Variants in DNAJC11 observed in about 807,000 individuals in gnomAD.
DNAJC11 encodes the protein dnaJ homolog subfamily C member 11.
DNAJC11 carries 15 observed loss-of-function variants against 78.6 expected under a neutral mutation model. The observed-to-expected ratio is 0.19, with a 90% CI of 0.13 to 0.29. The LOEUF (loss-of-function observed/expected upper bound fraction) is 0.29. Ranked by LOEUF, DNAJC11 falls within the 10% of genes least tolerant of loss-of-function variation. The pLI is 1.00. For synonymous variants in DNAJC11, 292 were observed against 272.1 expected (o/e 1.07, Z -0.72); for missense variants, 547 against 709.6 (o/e 0.77, Z 2.60).
At chr1:6,641,483 TAAG>T (rs1391080204) in intron 10 of DNAJC11, among the ~76,000 whole-genome samples, 2 of 145,448 alleles carry the variant, frequency 1.4e-5, no homozygotes, top group Non-Finnish European at 3.0e-5. Context: ...ATAGTAAGCA[TAAG>T]AAGACTAAAA....
intron 11 of DNAJC11, among the ~76,000 whole-genome samples, chr1:6,639,293 C>T (rs868637805): frequency 4.8e-4 from 72 of 149,164 alleles, no homozygotes; most frequent in African/African-American, 1.7e-3. Context: ...AGGAAAACTT[C>T]TTCTTTCTTG....
intron 4 of DNAJC11, among the ~76,000 whole-genome samples, chr1:6,663,392 G>A (rs1049705332): frequency 6.6e-6 from 1 of 152,142 alleles, no homozygotes; most frequent in African/African-American, 2.4e-5. Context: ...AGCTGCCTGG[G>A]ATCAAGTTGC....
At chr1:6,663,646 G>A (rs952221299) in intron 4 of DNAJC11, among the ~76,000 whole-genome samples, 3 of 152,090 alleles carry the variant, frequency 2.0e-5, no homozygotes, top group Non-Finnish European at 4.4e-5. Flanking sequence ...CTGCTCTCAG[G>A]TATGAACCCA....
chr1:6,642,401 G>A (rs148993016), intron 10 of DNAJC11, among the ~76,000 whole-genome samples: 6 of 152,300 alleles, frequency 3.9e-5, no homozygotes, highest in Non-Finnish European at 5.9e-5. Context: ...GAGAAATGGC[G>A]AGACTGGGGA....
intron 14 of DNAJC11, 98 bp downstream of exon 14, chr1:6,637,100 T>A (rs1350325736): frequency 6.6e-7 from 1 of 1,508,408 alleles, no homozygotes; most frequent in Non-Finnish European, 9.0e-7. Flanking sequence ...TCCGCCCACC[T>A]TGGCCTTCCA....
chr1:6,648,950 C>G (rs1054131746), intron 7 of DNAJC11, among the ~76,000 whole-genome samples: 9 of 152,082 alleles, frequency 5.9e-5, no homozygotes, highest in Non-Finnish European at 1.2e-4. Context: ...GAGCAGCACC[C>G]AGGTGATGCC....
chr1:6,667,897 T>A, intron 3 of DNAJC11, 87 bp from the exon 4 acceptor site: 1 of 1,288,586 alleles, frequency 7.8e-7, no homozygotes, highest in Non-Finnish European at 1.1e-6. Context: ...TTGATTTTGG[T>A]GTGTGCATGC....
At chr1:6,654,265 A>C in intron 4 of DNAJC11, 1 of 424,260 alleles carries the variant, frequency 2.4e-6, no homozygotes. Flanking sequence ...ACATCATTTG[A>C]CCAGGAGAGC....
chr1:6,638,457 AAC>A, intron 11 of DNAJC11, 93 bp from the exon 12 acceptor site: 2 of 1,224,264 alleles, frequency 1.6e-6, no homozygotes, highest in Non-Finnish European at 2.3e-6. Context: ...GAGCCCAGCA[AAC>A]AGTCTGTGAT....
chr1:6,688,310 C>A (rs1036520705), intron 1 of DNAJC11, among the ~76,000 whole-genome samples: 5 of 152,168 alleles, frequency 3.3e-5, no homozygotes, highest in African/African-American at 1.2e-4. Context: ...AAATTAACAA[C>A]AAATAAATTC....
At position 6,634,987 on chromosome 1, in the gene DNAJC11, C is replaced by T. The variant is rs1454829540; in HGVS notation, c.*688G>A. 8 of 715,314 alleles carry T rather than the reference C, an allele frequency of 1.1e-5. No individual in the cohort carries two copies. Among genetic ancestry groups the T allele is most frequent in the South Asian group, 2.1e-5 (1 of 46,780 alleles). 44.3% of individuals were successfully genotyped at this position (715,314 alleles called of 1,614,324 possible). ...CGTTTTCCCACCGGGATACGGGAAG[C>T]CACCTGTGTCAGGGCTAGGCCCTGG... On this transcript the variant is annotated 3_prime_UTR_variant, in exon 16 of 16. Coordinates refer to ENST00000377577, the MANE Select transcript of DNAJC11 (RefSeq NM_018198.4).
chr1:6,683,109 T>C (rs547749270), intron 1 of DNAJC11, among the ~76,000 whole-genome samples: 6 of 152,312 alleles, frequency 3.9e-5, no homozygotes, highest in South Asian at 2.1e-4. Context: ...CCTCTGAGAA[T>C]TGGTGAGACC....
intron 1 of DNAJC11, among the ~76,000 whole-genome samples, chr1:6,688,606 G>A (rs1642695236): frequency 6.6e-6 from 1 of 152,156 alleles, no homozygotes; most frequent in South Asian, 2.1e-4. Context: ...AAACAGGAAT[G>A]CTAACATTAA....
intron 3 of DNAJC11, among the ~76,000 whole-genome samples, chr1:6,671,236 A>G (rs1029613912): frequency 3.9e-5 from 6 of 152,168 alleles, no homozygotes; most frequent in Non-Finnish European, 2.9e-5. Context: ...TATTTGAGAC[A>G]GAGTCTTGCT....
At chr1:6,677,069 G>A (rs1220478491) in intron 3 of DNAJC11, among the ~76,000 whole-genome samples, 4 of 149,920 alleles carry the variant, frequency 2.7e-5, no homozygotes, top group South Asian at 2.1e-4. Flanking sequence ...AGCTACTCAG[G>A]AAGGCTGAGG....
rs112352615 is a variant in DNAJC11, at chr1:6,639,138, A to G, written c.1253+764T>C. Among the ~76,000 whole-genome samples the G allele has an allele frequency of 5.2e-3, 792 of 152,308 alleles. 13 individuals are homozygous for G. The highest frequency in any genetic ancestry group is 0.018 in the African/African-American group (757 of 41,582). On this transcript the variant is annotated intron_variant, in intron 11 of 15. Coordinates refer to ENST00000377577, the MANE Select transcript of DNAJC11 (RefSeq NM_018198.4). ...GTAGAGATGCTTGCACTAATAATTT[A>G]GGTTTCACGGCATGCCCCAATGGAT...
intron 4 of DNAJC11, 64 bp from the exon 5 acceptor site, chr1:6,654,103 C>T: frequency 1.9e-6 from 3 of 1,584,484 alleles, no homozygotes; most frequent in Non-Finnish European, 2.6e-6. Context: ...GACAATGCTA[C>T]ACTTCAACAG....
intron 4 of DNAJC11, among the ~76,000 whole-genome samples, chr1:6,655,963 G>A (rs534099481): frequency 7.9e-5 from 12 of 151,262 alleles, no homozygotes; most frequent in Non-Finnish European, 1.3e-4. Context: ...TTAGCCGGGC[G>A]TGGTGGTGCG....
rs1641747455 is a variant in DNAJC11, at chr1:6,635,557, C to T, written c.*118G>A. On this transcript the variant is annotated 3_prime_UTR_variant, in exon 16 of 16. Coordinates refer to ENST00000377577, the MANE Select transcript of DNAJC11 (RefSeq NM_018198.4). ...TTCACATAATTGATAATGGTACCAC[C>T]TTCTATAATAATAATATAAAATAAA... 1.8e-6 allele frequency: 2 copies of T among 1,121,412 alleles called. No homozygotes were observed. Among genetic ancestry groups the T allele is most frequent in the South Asian group, 1.5e-5 (1 of 67,412 alleles). 69.5% of individuals were successfully genotyped at this position (1,121,412 alleles called of 1,614,324 possible). A position where few individuals can be genotyped will look rare whatever the true frequency, so the allele number is the denominator to read the frequency against.
Sources: gnomAD v4.1 joint callset for allele counts (sites outside exome capture counted in the v4.1 genomes callset) on GRCh38, gnomAD v4.1.1 for gene constraint, MANE v1.5 for transcripts, NCBI Gene and HGNC (gene_info 2026-07-23, HGNC 2026-07-21) for gene names.